The following ITGAL variants were observed in gnomAD, a reference collection of about 807,000 sequenced individuals.
The protein encoded by ITGAL is integrin alpha-L.
ITGAL carries 68 observed loss-of-function variants against 138.4 expected under a neutral mutation model. The observed-to-expected ratio is 0.49, with a 90% CI of 0.40 to 0.60. ITGAL has a LOEUF of 0.60. Ranked by LOEUF, ITGAL falls within the 20% of genes least tolerant of loss-of-function variation. The pLI, the probability that ITGAL is intolerant of heterozygous loss-of-function variation, is 0.00. For synonymous variants in ITGAL, 561 were observed against 584.3 expected, an observed-to-expected ratio of 0.96 and a Z score of 0.57; for missense variants, 1,256 against 1,478.6, an observed-to-expected ratio of 0.85 and a Z score of 2.47.
At position 30,499,114 on chromosome 16, in the gene ITGAL, T is replaced by C. The variant is rs1341074494; in HGVS notation, c.1873T>C (p.Ser625Pro). 1 of 1,614,082 alleles carries C rather than the reference T, an allele frequency of 6.2e-7. No homozygotes were observed. Among genetic ancestry groups the C allele is most frequent in the East Asian group, 2.2e-5 (1 of 44,876 alleles). Reference sequence around the variant, plus strand: ...GGATATGGTCACCCTGATGTCCTTCTCTCCAGCTGAGATCCCAGTGCATGA... The same window carrying C: ...GGATATGGTCACCCTGATGTCCTTCCCTCCAGCTGAGATCCCAGTGCATGA... ...VVDMVTLMSF[S>P]PAEIPVHEVE... Residue 625 changes from serine to proline, a missense_variant, in exon 16 of 31, where the codon TCT (serine) becomes CCT (proline). Physicochemically the swap from Ser to Pro is moderately conservative, Grantham distance 74 (BLOSUM62 -1). Around this residue, in one of 3 missense-constraint regions of ITGAL, gnomAD observed 867 missense variants for 972.5 expected, o/e 0.89. Coordinates refer to ENST00000356798, the MANE Select transcript of ITGAL (RefSeq NM_002209.3).
intron 9 of ITGAL, among the ~76,000 whole-genome samples, chr16:30,487,875 G>T (rs1019177587): frequency 1.3e-5 from 2 of 151,574 alleles, no homozygotes; most frequent in Non-Finnish European, 2.9e-5. Flanking sequence ...GTCCCACCAT[G>T]CCTAGCTAAT....
intron 21 of ITGAL, 145 bp downstream of exon 21, chr16:30,507,001 C>G: frequency 1.2e-6 from 1 of 863,604 alleles, no homozygotes; most frequent in Non-Finnish European, 1.8e-6. Flanking sequence ...GGTTCCCAGC[C>G]TCGAGCTGTA....
At chr16:30,514,808 CTTTTCTT>C (rs1302864107) in intron 25 of ITGAL, among the ~76,000 whole-genome samples, 1 of 150,516 alleles carries the variant, frequency 6.6e-6, no homozygotes, top group Non-Finnish European at 1.5e-5. Context: ...TTATTTTTAC[CTTTTCTT>C]TTTTCTTTTC....
intron 6 of ITGAL, chr16:30,481,185 A>ACACAC (rs2050553779): frequency 1.6e-5 from 6 of 373,632 alleles, no homozygotes; most frequent in African/African-American, 1.1e-4. Context: ...CACACACACC[A>ACACAC]CACACACACA....
At chr16:30,482,142 G>A (rs1027100797) in intron 7 of ITGAL, among the ~76,000 whole-genome samples, 6 of 152,012 alleles carry the variant, frequency 3.9e-5, no homozygotes, top group African/African-American at 1.4e-4. Flanking sequence ...TGATCCACCT[G>A]CCTCACCCTC....
chr16:30,514,531 C>T (rs1262950933), intron 25 of ITGAL, among the ~76,000 whole-genome samples: 1 of 149,672 alleles, frequency 6.7e-6, no homozygotes, highest in Non-Finnish European at 1.5e-5. Flanking sequence ...CCCCTCGTGG[C>T]CTCTCAAAGT....
chr16:30,498,912 A>C (rs2050843411), intron 15 of ITGAL, 162 bp from the exon 16 acceptor site: 1 of 646,646 alleles, frequency 1.5e-6, no homozygotes, highest in Non-Finnish European at 2.7e-6. Context: ...AAATAAATAA[A>C]TAAAAAGTAT....
chr16:30,497,540 G>A (rs867619130), intron 15 of ITGAL, among the ~76,000 whole-genome samples: 3 of 151,134 alleles, frequency 2.0e-5, no homozygotes, highest in Non-Finnish European at 4.4e-5. Flanking sequence ...GCAGTGGTGC[G>A]ATCTTGGCTC....
chr16:30,482,684 A>G (rs562797654), intron 7 of ITGAL, among the ~76,000 whole-genome samples: 164 of 152,178 alleles, frequency 1.1e-3, no homozygotes, highest in African/African-American at 3.6e-3. Flanking sequence ...AGATTGGAGA[A>G]GCATTTTGCA....
chr16:30,495,795 G>A (rs1326049987), intron 13 of ITGAL, among the ~76,000 whole-genome samples: 1 of 152,128 alleles, frequency 6.6e-6, no homozygotes, highest in Non-Finnish European at 1.5e-5. Context: ...GCTGTAGTGA[G>A]CTGCGATTGC....
At chr16:30,513,028 A>G (rs2051112025) in intron 24 of ITGAL, among the ~76,000 whole-genome samples, 1 of 152,228 alleles carries the variant, frequency 6.6e-6, no homozygotes, top group Non-Finnish European at 1.5e-5. Flanking sequence ...TCAATGCCAC[A>G]CAGTATGATA....
At position 30,499,494 on chromosome 16, in the gene ITGAL, G is replaced by A. The variant is rs775343056; in HGVS notation, c.2145+5G>A. 1 of 1,613,160 alleles carries A rather than the reference G, an allele frequency of 6.2e-7. No homozygotes were observed. The highest frequency in any genetic ancestry group is 1.1e-5 in the South Asian group (1 of 91,052). On this transcript the variant is annotated splice_donor_5th_base_variant and intron_variant, in intron 17 of 30. Transcript: ENST00000356798. ...GACTTCTCATTTCATTTCCCGGTAAGGGAGCCAGCGCCAATGCTCTGGGAT... is the reference window on the plus strand; with the variant it reads ...GACTTCTCATTTCATTTCCCGGTAAAGGAGCCAGCGCCAATGCTCTGGGAT...
chr16:30,509,891 T>C (rs2051062165), intron 21 of ITGAL, among the ~76,000 whole-genome samples: 2 of 151,670 alleles, frequency 1.3e-5, no homozygotes, highest in South Asian at 4.2e-4. Context: ...ATACAAAAAT[T>C]AGCTGGACAT....
intron 11 of ITGAL, among the ~76,000 whole-genome samples, chr16:30,490,159 G>A (rs1348670545): frequency 2.7e-5 from 4 of 149,226 alleles, no homozygotes; most frequent in Non-Finnish European, 4.4e-5. Flanking sequence ...CCCAGGAGGC[G>A]GAGGTTGCAG....
chr16:30,485,638 C>T (rs1216456390), intron 9 of ITGAL, among the ~76,000 whole-genome samples: 1 of 151,740 alleles, frequency 6.6e-6, no homozygotes, highest in East Asian at 1.9e-4. Context: ...GATCCTCCCA[C>T]GTAGCTGGGA....
In ITGAL at chr16:30,475,289, G is replaced by T. The variant is rs780030121; in HGVS notation, c.165-17G>T. On this transcript the variant is annotated splice_polypyrimidine_tract_variant and intron_variant, in intron 2 of 30. Transcript: ENST00000356798. Reference sequence around the variant, plus strand: ...AGATCTGGGCCACTCCCTCTCACAGGTGAGATTTCTCACCAGGGTCATCGT... The same window carrying T: ...AGATCTGGGCCACTCCCTCTCACAGTTGAGATTTCTCACCAGGGTCATCGT... 2 of 1,599,964 alleles carry T rather than the reference G, an allele frequency of 1.3e-6. No individual in the cohort carries two copies. The highest frequency in any genetic ancestry group is 8.6e-7 in the Non-Finnish European group (1 of 1,168,168).
chr16:30,514,463 G>T (rs908899598), intron 25 of ITGAL, among the ~76,000 whole-genome samples: 8 of 152,132 alleles, frequency 5.3e-5, no homozygotes, highest in African/African-American at 1.9e-4. Flanking sequence ...TTTTAGTAGA[G>T]ATGGGGTTTT....
Position 30,504,224 on chromosome 16 carries a change from C to G in ITGAL, c.2195C>G (p.Ser732Cys). Residue 732 changes from serine to cysteine, a missense_variant, in exon 18 of 31, where the codon TCT becomes TGT. By Grantham distance (112) the Ser-to-Cys change is moderately radical. Around this residue, in one of 3 missense-constraint regions of ITGAL, gnomAD observed 867 missense variants for 972.5 expected, o/e 0.89. Coordinates refer to ENST00000356798, the MANE Select transcript of ITGAL (RefSeq NM_002209.3). ...CCCATCAATGTTTCCCTGAATTTCT[C>G]TCTTTGGGAGGAGGAAGGGACACCG... ...ISPINVSLNFSLWEEEGTPRD... is the reference protein window; with the variant it reads ...ISPINVSLNFCLWEEEGTPRD... 3 of 1,613,746 alleles carry G rather than the reference C, an allele frequency of 1.9e-6. No homozygotes were observed. Among genetic ancestry groups the G allele is most frequent in the East Asian group, 4.5e-5 (2 of 44,872 alleles).
chr16:30,486,797 T>G (rs2050653881), intron 9 of ITGAL, among the ~76,000 whole-genome samples: 1 of 152,026 alleles, frequency 6.6e-6, no homozygotes, highest in Non-Finnish European at 1.5e-5. Context: ...GAAGGAGTTT[T>G]TTGTTGTTGT....
Sources: allele counts gnomAD v4.1 joint callset (sites outside exome capture counted in the v4.1 genomes callset), GRCh38; gene constraint gnomAD v4.1.1; regional missense constraint gnomAD v4.1.1; transcripts MANE v1.5; gene names NCBI Gene and HGNC (gene_info 2026-07-23, HGNC 2026-07-21).